Variants in TRIP10 observed in about 807,000 individuals in gnomAD.
TRIP10 encodes thyroid hormone receptor interactor 10.
Under a neutral mutation model 80.9 loss-of-function variants are expected in TRIP10, and 54 were observed. That is an observed-to-expected ratio of 0.67 (90% CI 0.54 to 0.84). The LOEUF (loss-of-function observed/expected upper bound fraction) is 0.84, where lower values mean the gene tolerates loss of function less well. Among genes scored for constraint, TRIP10 ranks in the 40% least tolerant of loss-of-function variants. The probability of loss-of-function intolerance (pLI) is 0.00; values close to 1 mark genes in which losing one functional copy is unlikely to be tolerated. For missense variants in TRIP10, 773 were observed against 815.3 expected, an observed-to-expected ratio of 0.95 and a Z score of 0.63; for synonymous variants, 321 against 307.2, an observed-to-expected ratio of 1.04 and a Z score of -0.47.
At position 6,746,000 on chromosome 19, in the gene TRIP10, C is replaced by G; in HGVS notation, c.985-29C>G. The G allele has an allele frequency of 1.1e-6, 1 of 951,928 alleles. No individual in the cohort carries two copies. The highest frequency in any genetic ancestry group is 1.4e-6 in the Non-Finnish European group (1 of 740,620). The allele number at this position is 951,928 out of a possible 1,614,324, so 59.0% of individuals were successfully genotyped here. A position where few individuals can be genotyped will look rare whatever the true frequency, so the allele number is the denominator to read the frequency against. On this transcript the variant is annotated intron_variant, in intron 9 of 14. Coordinates refer to ENST00000313244, the MANE Select transcript of TRIP10 (RefSeq NM_001288962.2). This position sits in a 1 kb window ranked among gnomAD's most constrained non-coding sequence, Gnocchi z 7.2. ...TCCTATGCCCCCCCACCCCTTCAAC[C>G]TATCCCCCTCCCCGGCCCCCGCCGG...
intron 3 of TRIP10, among the ~76,000 whole-genome samples, chr19:6,741,604 T>C (rs1968919132): frequency 1.3e-5 from 2 of 152,096 alleles, no homozygotes; most frequent in African/African-American, 4.8e-5. Flanking sequence ...ATCTGTGAAA[T>C]GGAATGATGA....
chr19:6,740,674 A>C, intron 1 of TRIP10: 1 of 251,374 alleles, frequency 4.0e-6, no homozygotes. Context: ...GGCCGGCCGG[A>C]TTTTCCGGAA....
Position 6,744,481 on chromosome 19 carries a change from T to C in TRIP10, c.643-73T>C. On this transcript the variant is annotated intron_variant, in intron 7 of 14. Transcript: ENST00000313244. The surrounding 1 kb of genome is among the most constrained non-coding windows in gnomAD (Gnocchi z 4.9). The stretch of plus-strand genomic sequence containing the variant: ...GGGCCAGCGTGGAGCGCGATCATAT[T>C]TGCAGAGTGAATCACTGTGCTTCTA... The C allele has an allele frequency of 6.3e-7, 1 of 1,596,268 alleles. No homozygotes were observed. The highest frequency in any genetic ancestry group is 8.5e-7 in the Non-Finnish European group (1 of 1,171,964).
At position 6,750,401 on chromosome 19, in the gene TRIP10, G is replaced by C; in HGVS notation, c.1505G>C (p.Ser502Thr). The change falls in exon 13 of 15, where the codon AGC becomes ACC. Residue 502 changes from serine (S) to threonine (T), a missense_variant. Coordinates refer to ENST00000313244, the MANE Select transcript of TRIP10 (RefSeq NM_001288962.2). ...GCTAGCGCCCCGCCAGACAGCAGCA[G>C]CAACAGCGCATCACAGGACACCAAG... is the stretch of plus-strand genomic sequence containing the variant. ...PPASAPPDSS[S>T]NSASQDTKES... The C allele has an allele frequency of 6.2e-7, 1 of 1,614,152 alleles. No homozygotes were observed. The highest frequency in any genetic ancestry group is 8.5e-7 in the Non-Finnish European group (1 of 1,180,000).
intron 14 of TRIP10, among the ~76,000 whole-genome samples, 175 bp downstream of exon 14, chr19:6,750,808 G>C (rs558030254): frequency 6.6e-6 from 1 of 152,176 alleles, no homozygotes; most frequent in South Asian, 2.1e-4. Context: ...CCAGCCTGGC[G>C]AACACGGTGA....
chr19:6,743,865 T>C, intron 7 of TRIP10, 29 bp downstream of exon 7: 1 of 1,610,928 alleles, frequency 6.2e-7, no homozygotes, highest in South Asian at 1.1e-5. Flanking sequence ...CAGACCTACC[T>C]TCCCGAAAGC....
rs570205055 is a variant in TRIP10, at chr19:6,750,703, C to A, written c.1657+70C>A. On this transcript the variant is annotated intron_variant, in intron 14 of 14. Transcript: ENST00000313244. ...TCTCTGGCTAGGTTCAGTTTAAATT[C>A]GCCTAAAGCAGGGCTGGGCGGGTGG... is the stretch of plus-strand genomic sequence containing the variant. 231 of 1,588,566 alleles carry A rather than the reference C, an allele frequency of 1.5e-4. 1 individual carries two copies. The highest frequency in any genetic ancestry group is 1.9e-4 in the Non-Finnish European group (223 of 1,166,368).
chr19:6,741,207 ACCTCT>A lies in TRIP10; in HGVS notation c.141-17_141-13del. The A allele has an allele frequency of 6.2e-7, 1 of 1,612,866 alleles. No homozygotes were observed. Among genetic ancestry groups the A allele is most frequent in the Non-Finnish European group, 8.5e-7 (1 of 1,179,374 alleles). The stretch of plus-strand genomic sequence containing the variant: ...GGAGGGCTGCGGGCTCAGCCCTCCT[ACCTCT>A]GTCTCCCCTTAGGAGCCTGGTGAAA... On this transcript the variant is annotated splice_polypyrimidine_tract_variant and intron_variant, in intron 2 of 14. Transcript: ENST00000313244.
In TRIP10 at chr19:6,739,688, C is replaced by T. The variant is rs1968845039; in HGVS notation, c.-74C>T. 2 of 1,154,930 alleles carry T rather than the reference C, an allele frequency of 1.7e-6. No homozygotes were observed. Among genetic ancestry groups the T allele is most frequent in the Non-Finnish European group, 2.1e-6 (2 of 937,056 alleles). 71.5% of individuals were successfully genotyped at this position (1,154,930 alleles called of 1,614,324 possible). ...GCGCACCGCCCTCGGCTGAGTCTCC[C>T]CGGGGAGGGCGGCGGGCGGCGGGCG... is the stretch of plus-strand genomic sequence containing the variant. On this transcript the variant is annotated 5_prime_UTR_variant, in exon 1 of 15. Transcript: ENST00000313244.
At chr19:6,741,473 G>C (rs1438534603) in intron 3 of TRIP10, among the ~76,000 whole-genome samples, 192 bp downstream of exon 3, 3 of 152,130 alleles carry the variant, frequency 2.0e-5, no homozygotes, top group Non-Finnish European at 2.9e-5. Flanking sequence ...AAATTGACTT[G>C]GGCTTGTGAC....
At position 6,746,413 on chromosome 19, in the gene TRIP10, C is replaced by A. The variant is rs200373674; in HGVS notation, c.1153-39C>A. The A allele has an allele frequency of 7.5e-6, 12 of 1,608,626 alleles. No homozygotes were observed. Among genetic ancestry groups the A allele is most frequent in the Non-Finnish European group, 1.0e-5 (12 of 1,175,330 alleles). ...CGGGTGCAGAGTCTGGCAGGCTAGA[C>A]TCCTTGATCCCAAATTCAGCCCTCT... On this transcript the variant is annotated intron_variant, in intron 10 of 14. Transcript: ENST00000313244. This position sits in a 1 kb window ranked among gnomAD's most constrained non-coding sequence, Gnocchi z 6.2.
Position 6,750,004 on chromosome 19 carries a change from C to T in TRIP10, c.1333C>T (p.Pro445Ser), listed in dbSNP as rs1568256282. 3 of 1,614,056 alleles carry T rather than the reference C, an allele frequency of 1.9e-6. No homozygotes were observed. Among genetic ancestry groups the T allele is most frequent in the Non-Finnish European group, 2.5e-6 (3 of 1,180,004 alleles). ...GATGGGGGACCCCGCCAGCTTGGAG[C>T]CCCAGATCGCTGAAACCCTGAGCAA... Reference protein sequence around the residue: ...PQMGDPASLEPQIAETLSNIE... With the variant: ...PQMGDPASLESQIAETLSNIE... Residue 445 changes from proline (P) to serine (S), a missense_variant, in exon 12 of 15, where the codon CCC becomes TCC. Pro to Ser is a moderately conservative substitution (Grantham distance 74). Transcript: ENST00000313244.
Position 6,744,462 on chromosome 19 carries a change from G to T in TRIP10, c.643-92G>T. ...CCAGACTGGCTTGGGGCTGGGGCCA[G>T]CGTGGAGCGCGATCATATTTGCAGA... On this transcript the variant is annotated intron_variant, in intron 7 of 14. Coordinates refer to ENST00000313244, the MANE Select transcript of TRIP10 (RefSeq NM_001288962.2). This position sits in a 1 kb window ranked among gnomAD's most constrained non-coding sequence, Gnocchi z 4.9. 6.4e-7 allele frequency: 1 copy of T among 1,561,386 alleles called. No homozygotes were observed. Among genetic ancestry groups the T allele is most frequent in the Non-Finnish European group, 8.7e-7 (1 of 1,152,146 alleles).
Position 6,745,990 on chromosome 19 carries a change from C to T in TRIP10, c.985-39C>T. 1 of 841,368 alleles carries T rather than the reference C, an allele frequency of 1.2e-6. No individual in the cohort carries two copies. Among genetic ancestry groups the T allele is most frequent in the South Asian group, 4.2e-5 (1 of 23,652 alleles). 52.1% of individuals were successfully genotyped at this position (841,368 alleles called of 1,614,324 possible). ...CTCTACATCCTCCTATGCCCCCCCA[C>T]CCCTTCAACCTATCCCCCTCCCCGG... On this transcript the variant is annotated intron_variant, in intron 9 of 14. Transcript: ENST00000313244. The surrounding 1 kb of genome is among the most constrained non-coding windows in gnomAD (Gnocchi z 7.2).
rs151298257 is a variant in TRIP10, at chr19:6,742,944, C to G, written c.198-23C>G. 5.5e-4 allele frequency: 883 copies of G among 1,612,286 alleles called. 2 individuals carry two copies. The African/African-American group carries it at 0.011, about 19-fold the overall frequency. On this transcript the variant is annotated intron_variant, in intron 3 of 14. Transcript: ENST00000313244. ...GGGAGGAGGGGCCTGACTCCCTGTT[C>G]CCCGATTCTCATCCAACCCCAGATT...
At position 6,744,863 on chromosome 19, in the gene TRIP10, G is replaced by C. The variant is rs370986557; in HGVS notation, c.853G>C (p.Glu285Gln). ...GFARPGDVEFEDFSQPMNRAP... is the reference protein window; with the variant it reads ...GFARPGDVEFQDFSQPMNRAP... ...TGCCCGCCCGGGCGACGTGGAATTC[G>C]AGGACTTCAGCCAGCCCATGAACCG... The change falls in exon 9 of 15, where the codon GAG becomes CAG. Residue 285 changes from glutamate to glutamine, a missense_variant. Glu to Gln is a conservative substitution (Grantham distance 29). Transcript: ENST00000313244. This position sits in a 1 kb window ranked among gnomAD's most constrained non-coding sequence, Gnocchi z 4.9. 6.2e-7 allele frequency: 1 copy of C among 1,614,104 alleles called. No individual in the cohort carries two copies. Among genetic ancestry groups the C allele is most frequent in the Non-Finnish European group, 8.5e-7 (1 of 1,180,042 alleles).
At position 6,741,216 on chromosome 19, in the gene TRIP10, T is replaced by TC. The variant is rs1447524035; in HGVS notation, c.141-5dup. Reference sequence around the variant, plus strand: ...CGGGCTCAGCCCTCCTACCTCTGTCTCCCCTTAGGAGCCTGGTGAAAAAAT... The same window carrying TC: ...CGGGCTCAGCCCTCCTACCTCTGTCTCCCCCTTAGGAGCCTGGTGAAAAAAT... On this transcript the variant is annotated splice_polypyrimidine_tract_variant and intron_variant, in intron 2 of 14. Transcript: ENST00000313244. The TC allele has an allele frequency of 6.2e-7, 1 of 1,612,476 alleles. No homozygotes were observed. The highest frequency in any genetic ancestry group is 1.7e-5 in the Admixed American group (1 of 59,610).
At position 6,746,875 on chromosome 19, in the gene TRIP10, T is replaced by C. The variant is rs1969151717; in HGVS notation, c.1262+314T>C. ...GCCAGGCTGTCTTGAACTCCTGGCCTCAGTTGATCTGCCTGCCTCAGCCTC... is the reference window on the plus strand; with the variant it reads ...GCCAGGCTGTCTTGAACTCCTGGCCCCAGTTGATCTGCCTGCCTCAGCCTC... On this transcript the variant is annotated intron_variant, in intron 11 of 14. Transcript: ENST00000313244. This position sits in a 1 kb window ranked among gnomAD's most constrained non-coding sequence, Gnocchi z 6.2. 1.3e-5 allele frequency among the ~76,000 whole-genome samples: 2 copies of C among 152,202 alleles called. No homozygotes were observed. The highest frequency in any genetic ancestry group is 6.5e-5 in the Admixed American group (1 of 15,278).
chr19:6,744,995 G>T lies in TRIP10; in HGVS notation c.984+1G>T, dbSNP rs1338043083. ...CTGGCCTTTTGGCAAGAAGAACAAG[G>T]TGGGGGCCGGGACCCTTGGGATGGT... On this transcript the variant is annotated splice_donor_variant, in intron 9 of 14. Transcript: ENST00000313244. LOFTEE classifies it high-confidence loss of function. This position sits in a 1 kb window ranked among gnomAD's most constrained non-coding sequence, Gnocchi z 4.9. The T allele has an allele frequency of 6.2e-7, 1 of 1,612,714 alleles. No homozygotes were observed. The highest frequency in any genetic ancestry group is 8.5e-7 in the Non-Finnish European group (1 of 1,179,486).
Sources: gnomAD v4.1 joint callset for allele counts (sites outside exome capture counted in the v4.1 genomes callset) on GRCh38, gnomAD v4.1.1 for gene constraint, Gnocchi (gnomAD v3.1) non-coding constraint, MANE v1.5 for transcripts, NCBI Gene and HGNC (gene_info 2026-07-23, HGNC 2026-07-21) for gene names.